Variants in TBC1D19 observed in about 807,000 individuals in gnomAD.
TBC1D19 encodes the protein TBC1 domain family, member 19.
Under a neutral mutation model 89.0 loss-of-function variants are expected in TBC1D19, and 60 were observed. The observed-to-expected ratio is 0.67, with a 90% CI of 0.55 to 0.84. The LOEUF is 0.84. Among genes scored for constraint, TBC1D19 ranks in the 40% least tolerant of loss-of-function variants. TBC1D19 has a pLI of 0.00. For synonymous variants in TBC1D19, 189 were observed against 199.7 expected (o/e 0.95, Z 0.45); for missense variants, 500 against 610.8 (o/e 0.82, Z 1.91).
the TBC1D19 span, among the ~76,000 whole-genome samples, chr4:26,774,886 G>A: frequency 6.6e-6 from 1 of 152,148 alleles, no homozygotes; most frequent in Non-Finnish European, 1.5e-5. Context: ...AAGAAGGAAA[G>A]CACTTATTCT....
At chr4:26,765,317 T>G in the TBC1D19 span, among the ~76,000 whole-genome samples, 2 of 151,988 alleles carry the variant, frequency 1.3e-5, no homozygotes, top group African/African-American at 4.8e-5. Flanking sequence ...TGAAAGGGTT[T>G]CAGAGAAACC....
At chr4:26,802,461 G>A in the TBC1D19 span, among the ~76,000 whole-genome samples, 1 of 152,112 alleles carries the variant, frequency 6.6e-6, no homozygotes, top group South Asian at 2.1e-4. Flanking sequence ...AATTAGCTGG[G>A]TGTGGTGGCA....
At chr4:26,711,315 G>A (rs531111760) in intron 13 of TBC1D19, among the ~76,000 whole-genome samples, 4 of 152,094 alleles carry the variant, frequency 2.6e-5, no homozygotes, top group African/African-American at 7.2e-5. Flanking sequence ...TGACAGGTGA[G>A]GGCAGAGTGT....
intron 4 of TBC1D19, among the ~76,000 whole-genome samples, chr4:26,634,601 C>A (rs2110067222): frequency 6.6e-6 from 1 of 152,106 alleles, no homozygotes; most frequent in South Asian, 2.1e-4. Flanking sequence ...TATGTTTGTT[C>A]ATATTTCTCT....
chr4:26,834,556 G>T, the TBC1D19 span, among the ~76,000 whole-genome samples: 2 of 152,036 alleles, frequency 1.3e-5, no homozygotes, highest in Non-Finnish European at 2.9e-5. Context: ...GGGGGCGGGG[G>T]TGGTGCACAC....
chr4:26,632,460 TA>T (rs1402236625), intron 4 of TBC1D19, among the ~76,000 whole-genome samples: 1 of 151,948 alleles, frequency 6.6e-6, no homozygotes, highest in Non-Finnish European at 1.5e-5. Flanking sequence ...TATTATTTAT[TA>T]AGTGGGAGTA....
Position 26,682,455 on chromosome 4 carries a change from T to C in TBC1D19, c.817-1220T>C, listed in dbSNP as rs149343628. 2.4e-3 allele frequency among the ~76,000 whole-genome samples: 362 copies of C among 152,284 alleles called. 4 individuals are homozygous for C. Among genetic ancestry groups the C allele is most frequent in the Non-Finnish European group, 4.1e-3 (276 of 68,016 alleles). On this transcript the variant is annotated intron_variant, in intron 11 of 20. Transcript: ENST00000264866. ...CATCTTTTGCAATGAAGAAATCATA[T>C]TTCAGGAAACACAGAGTCAGATTTT...
At chr4:26,730,030 G>C (rs2109293001) in intron 15 of TBC1D19, among the ~76,000 whole-genome samples, 1 of 152,274 alleles carries the variant, frequency 6.6e-6, no homozygotes, top group East Asian at 1.9e-4. Context: ...TCAAAAACTG[G>C]TTAGAGAACT....
At chr4:26,799,011 T>A in the TBC1D19 span, among the ~76,000 whole-genome samples, 1 of 152,098 alleles carries the variant, frequency 6.6e-6, no homozygotes, top group Non-Finnish European at 1.5e-5. Flanking sequence ...CATGCACATA[T>A]AACCCCTGAA....
At chr4:26,728,694 T>C (rs1717468875) in intron 15 of TBC1D19, among the ~76,000 whole-genome samples, 1 of 152,210 alleles carries the variant, frequency 6.6e-6, no homozygotes, top group African/African-American at 2.4e-5. Flanking sequence ...GTTTCTAGAA[T>C]GCAAAGGGCC....
At chr4:26,842,001 A>G in the TBC1D19 span, among the ~76,000 whole-genome samples, 1 of 152,218 alleles carries the variant, frequency 6.6e-6, no homozygotes, top group Non-Finnish European at 1.5e-5. Flanking sequence ...ATGTTGAGAG[A>G]GAAAGAGAGA....
the TBC1D19 span, among the ~76,000 whole-genome samples, chr4:26,761,627 G>A: frequency 6.6e-5 from 10 of 151,964 alleles, no homozygotes; most frequent in Non-Finnish European, 1.5e-4. Context: ...CATATATACA[G>A]TATGTCATCC....
the TBC1D19 span, among the ~76,000 whole-genome samples, chr4:26,792,558 C>T: frequency 2.0e-5 from 3 of 152,240 alleles, no homozygotes; most frequent in South Asian, 6.2e-4. Context: ...AAAAGTATAT[C>T]TTAATTGTAT....
At chr4:26,613,297 C>A in intron 2 of TBC1D19, 56 bp downstream of exon 2, 1 of 1,163,334 alleles carries the variant, frequency 8.6e-7, no homozygotes, top group South Asian at 1.5e-5. Context: ...TTTATTTATT[C>A]CTAATTCTTT....
At chr4:26,705,268 C>T (rs1577962567) in intron 13 of TBC1D19, among the ~76,000 whole-genome samples, 1 of 152,060 alleles carries the variant, frequency 6.6e-6, no homozygotes, top group Admixed American at 6.6e-5. Flanking sequence ...TTTTGATGCA[C>T]AAAATTTTAA....
chr4:26,581,450 C>T (rs1454597415), upstream of TBC1D19, among the ~76,000 whole-genome samples: 1 of 152,132 alleles, frequency 6.6e-6, no homozygotes, highest in African/African-American at 2.4e-5. Flanking sequence ...GGCTCGACTC[C>T]CACTTATGAG....
At chr4:26,804,549 A>C in the TBC1D19 span, among the ~76,000 whole-genome samples, 343 of 152,364 alleles carry the variant, frequency 2.3e-3, 2 homozygotes, top group African/African-American at 7.7e-3. Flanking sequence ...GGAGGGAGCC[A>C]GTAGGACCGC....
chr4:26,737,891 T>C (rs183460572), intron 16 of TBC1D19, among the ~76,000 whole-genome samples: 10 of 152,198 alleles, frequency 6.6e-5, no homozygotes, highest in Non-Finnish European at 1.2e-4. Flanking sequence ...TATTTTAAAA[T>C]TTACTCAGAA....
chr4:26,621,555 A>G (rs1194941855), intron 4 of TBC1D19, among the ~76,000 whole-genome samples: 1 of 152,192 alleles, frequency 6.6e-6, no homozygotes, highest in African/African-American at 2.4e-5. Flanking sequence ...TCTGCTCTTG[A>G]AAATTTTCTG....
Sources: allele counts gnomAD v4.1 joint callset (sites outside exome capture counted in the v4.1 genomes callset), GRCh38; gene constraint gnomAD v4.1.1; transcripts MANE v1.5; gene names NCBI Gene and HGNC (gene_info 2026-07-23, HGNC 2026-07-21).